TMEM232: variants seen among roughly 807,000 people sequenced by gnomAD.
TMEM232 encodes the protein transmembrane protein 232.
A neutral mutation model predicts 78.8 loss-of-function variants in TMEM232; 80 were observed. The observed-to-expected ratio is 1.01, with a 90% CI of 0.85 to 1.22. The LOEUF is 1.22. TMEM232 is among the 50% of genes most tolerant of loss of function. The pLI is 0.00. For synonymous variants in TMEM232, 297 were observed against 254.3 expected (o/e 1.17, Z -1.60); for missense variants, 881 against 742.2 (o/e 1.19, Z -2.17).
At chr5:110,602,821 C>G (rs1314489198) in intron 10 of TMEM232, among the ~76,000 whole-genome samples, 1 of 152,134 alleles carries the variant, frequency 6.6e-6, no homozygotes. Flanking sequence ...ATAAATCATT[C>G]TACTATAAAC....
Position 110,605,244 on chromosome 5 carries a change from CA to C in TMEM232, c.1140del (p.Ala381LeufsTer2). ...TTACAGTGACAGAAACCAATTAAAG[CA>C]GTTTTTCGCAAATCAGAAGTGGCTG... ...LYAATSDLRK[T>X]ALIGFCHCKS... On this transcript the variant is annotated frameshift_variant, in exon 10 of 14. Coordinates refer to ENST00000455884, the MANE Select transcript of TMEM232 (RefSeq NM_001039763.4). LOFTEE classifies it high-confidence loss of function. 2 of 1,551,048 alleles carry C rather than the reference CA, an allele frequency of 1.3e-6. No individual in the cohort carries two copies.
chr5:110,476,957 T>C (rs1201188933), intron 12 of TMEM232, among the ~76,000 whole-genome samples: 1 of 151,938 alleles, frequency 6.6e-6, no homozygotes, highest in African/African-American at 2.4e-5. Flanking sequence ...GAAATTCCCT[T>C]AGTATTAAGA....
chr5:110,435,326 TAATGTTTA>T (rs1275874616), intron 12 of TMEM232, among the ~76,000 whole-genome samples: 2 of 151,804 alleles, frequency 1.3e-5, no homozygotes, highest in Admixed American at 6.6e-5. Context: ...GTTACTTTTC[TAATGTTTA>T]AATTTTTATT....
At chr5:110,657,815 T>C (rs1297251540) in intron 2 of TMEM232, among the ~76,000 whole-genome samples, 1 of 152,084 alleles carries the variant, frequency 6.6e-6, no homozygotes, top group Admixed American at 6.5e-5. Context: ...AGCAGTTTCA[T>C]TAGAGAAAAA....
chr5:110,494,080 T>C (rs1473480274), intron 12 of TMEM232, among the ~76,000 whole-genome samples: 1 of 152,106 alleles, frequency 6.6e-6, no homozygotes, highest in Admixed American at 6.6e-5. Flanking sequence ...CCCATGTCCC[T>C]GCTAAGGACA....
chr5:110,702,815 T>C (rs1228533119), intron 1 of TMEM232, among the ~76,000 whole-genome samples: 1 of 151,994 alleles, frequency 6.6e-6, no homozygotes, highest in Non-Finnish European at 1.5e-5. Flanking sequence ...AAAATCAACA[T>C]AGTTAGCTTA....
At chr5:110,722,025 G>T (rs1011128117) in intron 1 of TMEM232, among the ~76,000 whole-genome samples, 1 of 151,916 alleles carries the variant, frequency 6.6e-6, no homozygotes, top group African/African-American at 2.4e-5. Context: ...TTCCAGGGCA[G>T]TATTTTATTG....
intron 12 of TMEM232, among the ~76,000 whole-genome samples, chr5:110,443,332 C>T (rs985885419): frequency 6.6e-6 from 1 of 152,172 alleles, no homozygotes; most frequent in African/African-American, 2.4e-5. Context: ...TCTCTTTCCA[C>T]AGGCTTAGGA....
intron 2 of TMEM232, among the ~76,000 whole-genome samples, chr5:110,661,419 C>G (rs1437736132): frequency 1.3e-5 from 2 of 151,992 alleles, no homozygotes; most frequent in Admixed American, 6.6e-5. Context: ...TCAAGTAACC[C>G]CCCCCACCTC....
chr5:110,558,538 CAAGT>C (rs1775377221), intron 11 of TMEM232, among the ~76,000 whole-genome samples: 1 of 152,072 alleles, frequency 6.6e-6, no homozygotes, highest in East Asian at 1.9e-4. Context: ...GGCTGCACTG[CAAGT>C]GAGTGTGGTA....
At chr5:110,401,318 G>A (rs1755584828) in intron 2 of TMEM232, among the ~76,000 whole-genome samples, 1 of 148,930 alleles carries the variant, frequency 6.7e-6, no homozygotes, top group Non-Finnish European at 1.5e-5. Context: ...TCTGAAATGA[G>A]TAAGTTGCAC....
chr5:110,584,487 G>A (rs750057522), intron 10 of TMEM232, among the ~76,000 whole-genome samples: 31 of 152,196 alleles, frequency 2.0e-4, no homozygotes, highest in Non-Finnish European at 3.8e-4. Flanking sequence ...GCAGTTACCA[G>A]AGGTTGGTGG....
At chr5:110,584,700 T>C (rs1778605526) in intron 10 of TMEM232, among the ~76,000 whole-genome samples, 1 of 152,092 alleles carries the variant, frequency 6.6e-6, no homozygotes, top group Non-Finnish European at 1.5e-5. Context: ...ACTATAATTT[T>C]AGCATTCATT....
intron 3 of TMEM232, among the ~76,000 whole-genome samples, chr5:110,395,763 T>C (rs1016423590): frequency 6.6e-6 from 1 of 152,148 alleles, no homozygotes; most frequent in African/African-American, 2.4e-5. Context: ...TGGCCTCTCT[T>C]ATGACTAGAT....
chr5:110,436,829 G>C (rs1259331472), intron 12 of TMEM232, among the ~76,000 whole-genome samples: 1 of 152,010 alleles, frequency 6.6e-6, no homozygotes. Flanking sequence ...TTTTATGACA[G>C]TACCATGCTT....
chr5:110,431,727 G>C (rs1422692543), intron 12 of TMEM232, among the ~76,000 whole-genome samples: 1 of 151,674 alleles, frequency 6.6e-6, no homozygotes, highest in Non-Finnish European at 1.5e-5. Flanking sequence ...GACAAAAAAA[G>C]CAGTAAGTGA....
At chr5:110,529,105 T>C (rs1030733313) in intron 11 of TMEM232, among the ~76,000 whole-genome samples, 2 of 152,218 alleles carry the variant, frequency 1.3e-5, no homozygotes, top group African/African-American at 4.8e-5. Context: ...AAATTTGATA[T>C]ACGTGCCGTG....
chr5:110,723,876 T>C (rs1446422792), intron 1 of TMEM232, among the ~76,000 whole-genome samples: 1 of 152,152 alleles, frequency 6.6e-6, no homozygotes, highest in Non-Finnish European at 1.5e-5. Context: ...TTCTTTTACC[T>C]CCCTGGATGA....
At chr5:110,473,374 A>G (rs1472278625) in intron 12 of TMEM232, among the ~76,000 whole-genome samples, 5 of 152,064 alleles carry the variant, frequency 3.3e-5, no homozygotes, top group African/African-American at 1.2e-4. Flanking sequence ...TCAAAACCAC[A>G]GTGAGATATC....
Sources: gnomAD v4.1 joint callset for allele counts (sites outside exome capture counted in the v4.1 genomes callset) on GRCh38, gnomAD v4.1.1 for gene constraint, MANE v1.5 for transcripts, NCBI Gene and HGNC (gene_info 2026-07-23, HGNC 2026-07-21) for gene names.